The following WDR82 variants were observed in gnomAD, a reference collection of about 807,000 sequenced individuals.
WDR82 encodes the protein WD repeat-containing protein 82.
A neutral mutation model predicts 36.1 loss-of-function variants in WDR82; 8 were observed. The ratio of observed to expected loss-of-function variants is 0.22; its 90% confidence interval spans 0.13 to 0.40. The LOEUF is 0.40. Among genes scored for constraint, WDR82 ranks in the 10% least tolerant of loss-of-function variants. The pLI is 1.00. For missense variants in WDR82, 185 were observed against 400.5 expected (o/e 0.46, Z 4.59); for synonymous variants, 129 against 137.8 (o/e 0.94, Z 0.45).
intron 2 of WDR82, among the ~76,000 whole-genome samples, chr3:52,268,808 T>C (rs1168094094): frequency 6.6e-6 from 1 of 152,096 alleles, no homozygotes; most frequent in African/African-American, 2.4e-5. Context: ...AAGCTATCCT[T>C]GTGGAATGAC....
rs778070473 is a variant in WDR82 at position 52,258,663 on chromosome 3, T to C, written c.785A>G (p.Lys262Arg). The C allele has an allele frequency of 2.8e-5, 45 of 1,614,112 alleles. No homozygotes were observed. Among genetic ancestry groups the C allele is most frequent in the Non-Finnish European group, 3.5e-5 (41 of 1,180,038 alleles). ...GCTCTCTCCATTCCAGACATGGATC[T>C]TGCCATCCTCTGAACCTAAAGAGGA... ...QFIMIGSEDG[K>R]IHVWNGESGI... Residue 262 changes from lysine (K) to arginine (R), a missense_variant, in exon 8 of 9, where the codon AAG (lysine) becomes AGG (arginine). Transcript: ENST00000296490.
At chr3:52,273,135 CA>C (rs1700169125) in intron 1 of WDR82, among the ~76,000 whole-genome samples, 1 of 152,148 alleles carries the variant, frequency 6.6e-6, no homozygotes, top group Non-Finnish European at 1.5e-5. Flanking sequence ...TCTACAATAG[CA>C]AAGACAGAAA....
At chr3:52,268,523 A>G (rs1700125863) in intron 2 of WDR82, among the ~76,000 whole-genome samples, 1 of 152,222 alleles carries the variant, frequency 6.6e-6, no homozygotes, top group African/African-American at 2.4e-5. Context: ...TTAATCACTC[A>G]GAAAAACATC....
rs1216870890 is a variant in WDR82, at chr3:52,255,550, A to C, written c.*1940T>G. On this transcript the variant is annotated 3_prime_UTR_variant, in exon 9 of 9. Coordinates refer to ENST00000296490, the MANE Select transcript of WDR82 (RefSeq NM_025222.4). ...GGTGGCATCCTGCAGATTCTAGTCTACATTTGGGAAAGGTGTACGCCTCTT... is the reference window on the plus strand; with the variant it reads ...GGTGGCATCCTGCAGATTCTAGTCTCCATTTGGGAAAGGTGTACGCCTCTT... 3 of 152,152 alleles carry C rather than the reference A, an allele frequency of 2.0e-5. No individual in the cohort carries two copies. Among genetic ancestry groups the C allele is most frequent in the Non-Finnish European group, 4.4e-5 (3 of 68,018 alleles). 9.4% of individuals were successfully genotyped at this position (152,152 alleles called of 1,614,324 possible).
intron 3 of WDR82, among the ~76,000 whole-genome samples, chr3:52,262,219 A>G (rs1156403343): frequency 1.3e-5 from 2 of 152,252 alleles, no homozygotes; most frequent in Non-Finnish European, 2.9e-5. Flanking sequence ...CTATAAAGAC[A>G]GAAGTAGATC....
intron 3 of WDR82, among the ~76,000 whole-genome samples, chr3:52,265,632 G>A (rs1235024433): frequency 6.8e-6 from 1 of 147,034 alleles, no homozygotes; most frequent in Non-Finnish European, 1.5e-5. Flanking sequence ...ATGGAGTGCA[G>A]TGGCGCCACC....
At chr3:52,272,498 C>A (rs371792826) in intron 1 of WDR82, among the ~76,000 whole-genome samples, 6 of 146,492 alleles carry the variant, frequency 4.1e-5, no homozygotes, top group Middle Eastern at 3.7e-3. Flanking sequence ...GAGCTGAGAT[C>A]GCGCCACTGC....
At chr3:52,260,894 G>A (rs1700055514) in intron 4 of WDR82, among the ~76,000 whole-genome samples, 1 of 152,254 alleles carries the variant, frequency 6.6e-6, no homozygotes, top group Non-Finnish European at 1.5e-5. Context: ...AACTTTGGGA[G>A]GCCAAGGTAG....
At chr3:52,269,707 G>A (rs1001687191) in intron 2 of WDR82, among the ~76,000 whole-genome samples, 1 of 152,132 alleles carries the variant, frequency 6.6e-6, no homozygotes, top group Admixed American at 6.5e-5. Flanking sequence ...TCCAGCCTAG[G>A]CAACAGAGTG....
At chr3:52,264,594 G>T (rs1320295365) in intron 3 of WDR82, among the ~76,000 whole-genome samples, 1 of 152,124 alleles carries the variant, frequency 6.6e-6, no homozygotes, top group Non-Finnish European at 1.5e-5. Context: ...ATAGTGAAAA[G>T]GAGTGGGTGA....
intron 2 of WDR82, 70 bp from the exon 3 acceptor site, chr3:52,267,088 T>A: frequency 7.8e-7 from 1 of 1,275,966 alleles, no homozygotes; most frequent in Non-Finnish European, 1.1e-6. Context: ...ATTTTCATCT[T>A]AAAAAGACAA....
In WDR82 at chr3:52,261,627, CA is replaced by C. The variant is rs1700062521; in HGVS notation, c.327-149del. 4 of 552,586 alleles carry C rather than the reference CA, an allele frequency of 7.2e-6. No homozygotes were observed. In the South Asian group the frequency reaches 1.2e-4, roughly 17 times the overall value. The allele number at this position is 552,586 out of a possible 1,614,324, so 34.2% of individuals were successfully genotyped here. The stretch of plus-strand genomic sequence containing the variant: ...GAAACACAATAAAACACACATACCA[CA>C]ACCATATCTGGAACAAACAAAGGCA... On this transcript the variant is annotated intron_variant, in intron 3 of 8. Transcript: ENST00000296490.
intron 3 of WDR82, among the ~76,000 whole-genome samples, chr3:52,262,945 T>A (rs1250357077): frequency 1.3e-5 from 2 of 152,126 alleles, no homozygotes; most frequent in Non-Finnish European, 2.9e-5. Flanking sequence ...TTGGCCAACA[T>A]GGTGAAATCC....
intron 6 of WDR82, 99 bp downstream of exon 6, chr3:52,259,618 G>A (rs1700042874): frequency 2.8e-6 from 4 of 1,415,986 alleles, no homozygotes; most frequent in African/African-American, 1.4e-5. Context: ...TCATGAGTAA[G>A]TCAAGAGTAA....
intron 7 of WDR82, 113 bp from the exon 8 acceptor site, chr3:52,258,791 C>T: frequency 6.8e-7 from 1 of 1,466,100 alleles, no homozygotes; most frequent in Non-Finnish European, 9.2e-7. Context: ...ACCCATCCCT[C>T]AGGCAAAATT....
Position 52,257,145 on chromosome 3 carries a change from G to A in WDR82, c.*345C>T. 3.2e-6 allele frequency: 1 copy of A among 316,000 alleles called. No individual in the cohort carries two copies. Among genetic ancestry groups the A allele is most frequent in the South Asian group, 4.1e-5 (1 of 24,666 alleles). The allele number at this position is 316,000 out of a possible 1,614,324, so 19.6% of individuals were successfully genotyped here. On this transcript the variant is annotated 3_prime_UTR_variant, in exon 9 of 9. Coordinates refer to ENST00000296490, the MANE Select transcript of WDR82 (RefSeq NM_025222.4). ...GGTAGAAGGGATGTGCGGAACTGATGACTTCACCGGCTCCTCAGCAGCATG... is the reference window on the plus strand; with the variant it reads ...GGTAGAAGGGATGTGCGGAACTGATAACTTCACCGGCTCCTCAGCAGCATG...
chr3:52,272,367 A>G lies in WDR82; in HGVS notation c.162-1558T>C, dbSNP rs1338641214. Among the ~76,000 whole-genome samples, 5 of 152,000 alleles carry G rather than the reference A, an allele frequency of 3.3e-5. No individual in the cohort carries two copies. In the South Asian group the frequency reaches 1.0e-3, roughly 32 times the overall value. On this transcript the variant is annotated intron_variant, in intron 1 of 8. Transcript: ENST00000296490. ...GAGACCAGCCTGGCCAACATGGCGA[A>G]ACGCTATCTCTACTAAAGATACAAA...
intron 1 of WDR82, among the ~76,000 whole-genome samples, chr3:52,277,738 G>A (rs1002462553): frequency 5.9e-5 from 9 of 152,238 alleles, no homozygotes; most frequent in South Asian, 2.1e-4. Context: ...TGGGCGGAGT[G>A]CCAGGGCGGA....
At chr3:52,262,375 G>T (rs1423072970) in intron 3 of WDR82, among the ~76,000 whole-genome samples, 1 of 152,168 alleles carries the variant, frequency 6.6e-6, no homozygotes, top group Non-Finnish European at 1.5e-5. Flanking sequence ...CATTTTTAAA[G>T]GAATCATTTA....
Sources: gnomAD v4.1 joint callset for allele counts (sites outside exome capture counted in the v4.1 genomes callset) on GRCh38, gnomAD v4.1.1 for gene constraint, MANE v1.5 for transcripts, NCBI Gene and HGNC (gene_info 2026-07-23, HGNC 2026-07-21) for gene names.